The following ESF1 variants were observed in gnomAD, a reference collection of about 807,000 sequenced individuals.
ESF1 encodes the protein ESF1 nucleolar pre-rRNA processing protein.
In ESF1, 58 loss-of-function variants were observed where a neutral mutation model predicts 92.0. The ratio of observed to expected loss-of-function variants is 0.63; its 90% CI spans 0.51 to 0.78. ESF1 has a LOEUF of 0.78. Ranked by LOEUF, ESF1 falls within the 30% of genes least tolerant of loss-of-function variation. The pLI is 0.00. For synonymous variants in ESF1, 321 were observed against 313.7 expected (o/e 1.02, Z -0.24); for missense variants, 922 against 989.1 (o/e 0.93, Z 0.91).
intron 8 of ESF1, among the ~76,000 whole-genome samples, chr20:13,764,400 T>A (rs1482801505): frequency 6.6e-6 from 1 of 152,144 alleles, no homozygotes; most frequent in Admixed American, 6.5e-5. Context: ...GTTTTGGGGC[T>A]TTATGTCTAC....
rs970108931 is a variant in ESF1, at chr20:13,784,873, C to G, written c.-44+7G>C. 3.3e-6 allele frequency: 2 copies of G among 605,770 alleles called. No individual in the cohort carries two copies. Among genetic ancestry groups the G allele is most frequent in the Non-Finnish European group, 5.8e-6 (2 of 341,932 alleles). 37.5% of individuals were successfully genotyped at this position (605,770 alleles called of 1,614,324 possible). ...GAGCTCTTCAACTCCAGTCCATCCC[C>G]ACTCACCGTCCGCAGTCCTACCAAG... On this transcript the variant is annotated splice_region_variant and intron_variant, in intron 1 of 13. Transcript: ENST00000617257.
At chr20:13,766,657 A>C in intron 8 of ESF1, 120 bp downstream of exon 8, 2 of 883,088 alleles carry the variant, frequency 2.3e-6, no homozygotes, top group East Asian at 2.6e-5. Context: ...ATCAATCACT[A>C]TCTACAGGTA....
intron 9 of ESF1, among the ~76,000 whole-genome samples, chr20:13,734,199 C>G (rs941168839): frequency 2.4e-4 from 36 of 152,252 alleles, no homozygotes; most frequent in African/African-American, 8.7e-4. Context: ...AACTTCTGAA[C>G]TAATTCTTCT....
Position 13,782,872 on chromosome 20 carries a change from C to T in ESF1, c.269G>A (p.Ser90Asn). The part of the protein sequence containing the change: ...NLSGEDSKAL[S>N]QKKIKKKKTQ... ...TTTTTTCTTCTTTATTTTCTTTTGA[C>T]TCAATGCTTTGCTATCTTCACCAGA... Residue 90 changes from serine to asparagine, a missense_variant, in exon 2 of 14, where the codon AGT becomes AAT. By Grantham distance (46) the Ser-to-Asn change is conservative. Coordinates refer to ENST00000617257, the MANE Select transcript of ESF1 (RefSeq NM_001276380.2). 6.2e-7 allele frequency: 1 copy of T among 1,611,724 alleles called. No individual in the cohort carries two copies. The highest frequency in any genetic ancestry group is 8.5e-7 in the Non-Finnish European group (1 of 1,179,690).
chr20:13,737,997 G>T (rs6134965), intron 9 of ESF1, among the ~76,000 whole-genome samples: 33,268 of 151,868 alleles, frequency 0.22, 4,391 homozygotes, highest in East Asian at 0.59. Context: ...CACTGGCCAT[G>T]CCCTGAGGAA....
rs377464806 is a variant in ESF1, at chr20:13,771,362, A to G, written c.1372T>C (p.Phe458Leu). 6.0e-5 allele frequency: 97 copies of G among 1,612,242 alleles called. No homozygotes were observed. Among genetic ancestry groups the G allele is most frequent in the Non-Finnish European group, 7.6e-5 (90 of 1,179,700 alleles). Residue 458 changes from phenylalanine (F) to leucine (L), a missense_variant, in exon 6 of 14, where the codon TTT (phenylalanine) becomes CTT (leucine). Physicochemically the swap from Phe to Leu is conservative, Grantham distance 22. Coordinates refer to ENST00000617257, the MANE Select transcript of ESF1 (RefSeq NM_001276380.2). Reference sequence around the variant, plus strand: ...TCTATGAAAGAACAACTACTTTCAAATTCCAGGCCATCACAATCCTCATAA... The same window carrying G: ...TCTATGAAAGAACAACTACTTTCAAGTTCCAGGCCATCACAATCCTCATAA... ...KIYEDCDGLE[F>L]ESSCSFIDLR...
chr20:13,739,744 T>C (rs556958226), intron 9 of ESF1, among the ~76,000 whole-genome samples: 12 of 147,828 alleles, frequency 8.1e-5, no homozygotes, highest in African/African-American at 2.5e-4. Flanking sequence ...AAAAGAAAGC[T>C]CAAACGGAAA....
At chr20:13,724,218 C>T (rs1406508449) in intron 11 of ESF1, among the ~76,000 whole-genome samples, 2 of 152,142 alleles carry the variant, frequency 1.3e-5, no homozygotes, top group Non-Finnish European at 2.9e-5. Context: ...TCGCTTGAAC[C>T]CAGGAGGCAG....
intron 2 of ESF1, among the ~76,000 whole-genome samples, chr20:13,780,806 G>A (rs1980148894): frequency 6.6e-6 from 1 of 152,174 alleles, no homozygotes; most frequent in African/African-American, 2.4e-5. Context: ...GCTGCTGGAG[G>A]TGACAAAAAA....
chr20:13,783,818 A>G (rs1007487662), intron 1 of ESF1, among the ~76,000 whole-genome samples: 2 of 152,170 alleles, frequency 1.3e-5, no homozygotes, highest in African/African-American at 4.8e-5. Context: ...TGTCTACCAA[A>G]AAAAAGTAAG....
intron 11 of ESF1, among the ~76,000 whole-genome samples, chr20:13,726,452 C>T (rs1048994984): frequency 1.3e-5 from 2 of 152,148 alleles, no homozygotes; most frequent in Non-Finnish European, 2.9e-5. Flanking sequence ...ATGCTCTTCC[C>T]CCAGCTCTTC....
At chr20:13,725,734 C>A (rs1202600029) in intron 11 of ESF1, among the ~76,000 whole-genome samples, 1 of 152,200 alleles carries the variant, frequency 6.6e-6, no homozygotes, top group Non-Finnish European at 1.5e-5. Flanking sequence ...TCTACTCGCA[C>A]TGCCATGGTT....
chr20:13,771,602 T>C (rs1022134472), intron 5 of ESF1, 119 bp from the exon 6 acceptor site: 21 of 743,092 alleles, frequency 2.8e-5, no homozygotes, highest in Non-Finnish European at 4.2e-5. Context: ...TACCAAACCA[T>C]CTTTCCTTCA....
intron 9 of ESF1, among the ~76,000 whole-genome samples, chr20:13,757,118 G>A (rs1568721777): frequency 6.6e-6 from 1 of 151,986 alleles, no homozygotes; most frequent in Non-Finnish European, 1.5e-5. Flanking sequence ...AATTACAGAT[G>A]ATAATCTTTC....
chr20:13,746,108 G>A (rs925597601), intron 9 of ESF1, among the ~76,000 whole-genome samples: 4 of 152,122 alleles, frequency 2.6e-5, no homozygotes, highest in Non-Finnish European at 4.4e-5. Context: ...GGGATTATAG[G>A]TGTGTGCCAC....
chr20:13,774,556 A>G (rs1448516047), intron 4 of ESF1, among the ~76,000 whole-genome samples: 1 of 152,204 alleles, frequency 6.6e-6, no homozygotes, highest in Non-Finnish European at 1.5e-5. Context: ...TACTATTGTT[A>G]TATCCATTTG....
Position 13,714,793 on chromosome 20 carries a change from G to T in ESF1, c.*81C>A. The T allele has an allele frequency of 1.7e-6, 2 of 1,174,526 alleles. No homozygotes were observed. The highest frequency in any genetic ancestry group is 2.3e-6 in the Non-Finnish European group (2 of 852,180). The allele number at this position is 1,174,526 out of a possible 1,614,324, so 72.8% of individuals were successfully genotyped here. On this transcript the variant is annotated 3_prime_UTR_variant, in exon 14 of 14. Transcript: ENST00000617257. ...ATTCATGTTCTTGAAAGATAGCTTT[G>T]TTCCCAATAAATATTCCCTCCTATT...
intron 2 of ESF1, among the ~76,000 whole-genome samples, chr20:13,778,269 G>A (rs781056481): frequency 3.0e-4 from 46 of 152,028 alleles, no homozygotes; most frequent in Non-Finnish European, 4.7e-4. Context: ...AGTGAAAAGC[G>A]CCAAAATGAA....
chr20:13,729,023 C>G (rs531183888), intron 10 of ESF1, among the ~76,000 whole-genome samples: 18 of 151,998 alleles, frequency 1.2e-4, no homozygotes, highest in Non-Finnish European at 2.4e-4. Flanking sequence ...CTTTGAGAAG[C>G]TGAGGTGAGC....
Sources: gnomAD v4.1 joint callset for allele counts (sites outside exome capture counted in the v4.1 genomes callset) on GRCh38, gnomAD v4.1.1 for gene constraint, MANE v1.5 for transcripts, NCBI Gene and HGNC (gene_info 2026-07-23, HGNC 2026-07-21) for gene names.